ELP4: variants seen among roughly 807,000 people sequenced by gnomAD.
ELP4 encodes the protein elongator complex protein 4.
ELP4 carries 51 observed loss-of-function variants against 48.9 expected under a neutral mutation model. The observed-to-expected ratio is 1.04, with a 90% CI of 0.83 to 1.32. ELP4 has a LOEUF of 1.32. Ranked by LOEUF, ELP4 falls within the 40% of genes most tolerant of loss-of-function variation. The pLI is 0.00. For missense variants in ELP4, 519 were observed against 514.6 expected (o/e 1.01, Z -0.08); for synonymous variants, 210 against 189.2 (o/e 1.11, Z -0.90).
intron 3 of ELP4, among the ~76,000 whole-genome samples, chr11:31,562,174 G>A (rs990052835): frequency 6.6e-6 from 1 of 152,156 alleles, no homozygotes; most frequent in South Asian, 2.1e-4. Context: ...TACGGAAATT[G>A]TTTTGAGATC....
At chr11:31,520,729 CGTA>C (rs1181059651) in intron 2 of ELP4, among the ~76,000 whole-genome samples, 2 of 152,022 alleles carry the variant, frequency 1.3e-5, no homozygotes, top group African/African-American at 2.4e-5. Context: ...TATAAATTTA[CGTA>C]GTTTTTCACG....
intron 9 of ELP4, among the ~76,000 whole-genome samples, chr11:31,712,718 A>G (rs1294714477): frequency 6.6e-6 from 1 of 152,168 alleles, no homozygotes; most frequent in African/African-American, 2.4e-5. Context: ...GATGCTGTCT[A>G]TTTAGTTTCT....
chr11:31,517,704 C>G (rs1285876306), intron 1 of ELP4, among the ~76,000 whole-genome samples: 5 of 151,640 alleles, frequency 3.3e-5, no homozygotes, highest in African/African-American at 4.8e-5. Context: ...GCAACCTCCC[C>G]CTCCTGGGTT....
chr11:31,742,949 G>A (rs1345424985), intron 9 of ELP4, among the ~76,000 whole-genome samples: 2 of 152,154 alleles, frequency 1.3e-5, no homozygotes, highest in African/African-American at 4.8e-5. Flanking sequence ...AAAAGACACA[G>A]ACTGGCAAAA....
intron 9 of ELP4, among the ~76,000 whole-genome samples, chr11:31,657,249 C>T (rs1430163728): frequency 6.6e-6 from 1 of 152,022 alleles, no homozygotes; most frequent in Non-Finnish European, 1.5e-5. Context: ...TCCCTCTGAT[C>T]TTTTCAAGAC....
intron 9 of ELP4, among the ~76,000 whole-genome samples, chr11:31,668,721 T>TGTGTGTGTGTGTGTGTGTGTG (rs1565103640): frequency 5.4e-5 from 5 of 92,586 alleles, no homozygotes; most frequent in Non-Finnish European, 1.0e-4. Context: ...TGTGTGTGTG[T>TGTGTGTGTGTGTGTGTGTGTG]AAGAACCCTG....
chr11:31,564,781 G>T (rs576324781), intron 3 of ELP4, among the ~76,000 whole-genome samples: 11 of 152,136 alleles, frequency 7.2e-5, no homozygotes, highest in Admixed American at 1.3e-4. Flanking sequence ...TCTATCATTG[G>T]TGGACATTTG....
chr11:31,613,693 G>C (rs1055014674), intron 5 of ELP4, among the ~76,000 whole-genome samples: 25 of 148,722 alleles, frequency 1.7e-4, no homozygotes, highest in Non-Finnish European at 3.0e-4. Context: ...TTATACGTTT[G>C]AATTTTTATG....
chr11:31,698,361 A>G (rs1946453514), intron 9 of ELP4, among the ~76,000 whole-genome samples: 1 of 152,158 alleles, frequency 6.6e-6, no homozygotes, highest in Non-Finnish European at 1.5e-5. Context: ...ACTAATGAAC[A>G]CAAAGTATAT....
intron 9 of ELP4, chr11:31,662,673 G>C: frequency 5.0e-6 from 2 of 397,194 alleles, no homozygotes; most frequent in Non-Finnish European, 8.9e-6. Context: ...TTGTCAATTT[G>C]GTGATAATGA....
intron 7 of ELP4, among the ~76,000 whole-genome samples, chr11:31,643,434 A>C (rs1367001705): frequency 6.6e-6 from 1 of 151,776 alleles, no homozygotes; most frequent in African/African-American, 2.4e-5. Context: ...TAATCCTCTT[A>C]CTAAAATTTT....
chr11:31,598,576 T>G (rs1474581229), intron 4 of ELP4, among the ~76,000 whole-genome samples: 1 of 146,520 alleles, frequency 6.8e-6, no homozygotes, highest in Non-Finnish European at 1.5e-5. Context: ...GGCACAATTA[T>G]GTCTCACTGC....
At chr11:31,614,057 T>C (rs1480907696) in intron 5 of ELP4, among the ~76,000 whole-genome samples, 1 of 152,138 alleles carries the variant, frequency 6.6e-6, no homozygotes, top group Non-Finnish European at 1.5e-5. Context: ...TTTCAAATTA[T>C]GGGCCTAATC....
chr11:31,771,618 G>A (rs751292093), intron 9 of ELP4, among the ~76,000 whole-genome samples: 47 of 152,228 alleles, frequency 3.1e-4, no homozygotes, highest in Non-Finnish European at 6.0e-4. Flanking sequence ...CCCACCTCAC[G>A]GTTTTTCCAT....
chr11:31,722,011 G>A lies in ELP4; in HGVS notation c.1144-61382G>A, dbSNP rs1311839563. On this transcript the variant is annotated intron_variant, in intron 9 of 9. Transcript: ENST00000640961. Reference sequence around the variant, plus strand: ...CAGCAGCCTAATACACAGCCCTGTGGCCAGCAGCTTCCACAATATTTGTTG... The same window carrying A: ...CAGCAGCCTAATACACAGCCCTGTGACCAGCAGCTTCCACAATATTTGTTG... Among the ~76,000 whole-genome samples the A allele has an allele frequency of 2.0e-5, 3 of 152,124 alleles. No homozygotes were observed. In the East Asian group the frequency reaches 5.8e-4, roughly 29 times the overall value.
At chr11:31,608,940 G>A (rs1174836770) in intron 5 of ELP4, among the ~76,000 whole-genome samples, 2 of 152,112 alleles carry the variant, frequency 1.3e-5, no homozygotes, top group Non-Finnish European at 2.9e-5. Flanking sequence ...AGGGCCAAGG[G>A]TCCTGGGCTC....
rs569274108 is a variant in ELP4 at position 31,655,702 on chromosome 11, C to A, written c.1143+5481C>A. On this transcript the variant is annotated intron_variant, in intron 9 of 9. Transcript: ENST00000640961. ...TATTAAAGTTAGGGTTGAGTCATGCCAATTTCCCTTTGATTTTTTGATGAT... is the reference window on the plus strand; with the variant it reads ...TATTAAAGTTAGGGTTGAGTCATGCAAATTTCCCTTTGATTTTTTGATGAT... Among the ~76,000 whole-genome samples the A allele has an allele frequency of 1.6e-3, 240 of 152,110 alleles. 2 individuals carry two copies. Among genetic ancestry groups the A allele is most frequent in the African/African-American group, 5.4e-3 (223 of 41,546 alleles).
chr11:31,688,337 C>T (rs936312725), intron 9 of ELP4, among the ~76,000 whole-genome samples: 2 of 152,116 alleles, frequency 1.3e-5, no homozygotes, highest in Admixed American at 1.3e-4. Context: ...AGATACATGC[C>T]TGCTTACCAG....
intron 2 of ELP4, among the ~76,000 whole-genome samples, chr11:31,536,261 T>C (rs1271516313): frequency 1.3e-5 from 2 of 152,190 alleles, no homozygotes; most frequent in African/African-American, 4.8e-5. Context: ...TTTTCAACTC[T>C]CATGGGTAAG....
Sources: gnomAD v4.1 joint callset for allele counts (sites outside exome capture counted in the v4.1 genomes callset) on GRCh38, gnomAD v4.1.1 for gene constraint, MANE v1.5 for transcripts, NCBI Gene and HGNC (gene_info 2026-07-23, HGNC 2026-07-21) for gene names.